The following AACS variants were observed in gnomAD, a reference collection of about 807,000 sequenced individuals.
AACS encodes acetoacetate-CoA ligase.
AACS carries 69 observed loss-of-function variants against 83.1 expected under a neutral mutation model. The ratio of observed to expected loss-of-function variants is 0.83; its 90% confidence interval spans 0.68 to 1.01. AACS has a LOEUF of 1.01. Ranked by LOEUF, AACS falls within the 50% of genes least tolerant of loss-of-function variation. AACS has a pLI of 0.00. For synonymous variants in AACS, 333 were observed against 343.4 expected (o/e 0.97, Z 0.33); for missense variants, 866 against 882.2 (o/e 0.98, Z 0.23).
At chr12:125,131,657 T>C (rs1247898562) in intron 14 of AACS, among the ~76,000 whole-genome samples, 1 of 151,984 alleles carries the variant, frequency 6.6e-6, no homozygotes, top group Admixed American at 6.5e-5. Context: ...TTTGACACGG[T>C]ATCTCGCTCT....
intron 9 of AACS, among the ~76,000 whole-genome samples, chr12:125,116,982 T>C (rs1957065302): frequency 6.6e-6 from 1 of 151,982 alleles, no homozygotes; most frequent in Admixed American, 6.6e-5. Context: ...TCTCACTCTG[T>C]TGCTCAGGCT....
rs369853731 is a variant in AACS, at chr12:125,130,983, G to A, written c.1549+1523G>A. Among the ~76,000 whole-genome samples the A allele has an allele frequency of 3.9e-4, 60 of 152,158 alleles. 1 individual carries two copies. Among genetic ancestry groups the A allele is most frequent in the African/African-American group, 1.3e-3 (53 of 41,440 alleles). ...CTTAGACCCTTCCTCAAGCACCAGC[G>A]CTGAGAGATTCTTGGGCTGTATAGG... On this transcript the variant is annotated intron_variant, in intron 14 of 17. Transcript: ENST00000316519. This position sits in a 1 kb window ranked among gnomAD's most constrained non-coding sequence, Gnocchi z 4.9.
intron 3 of AACS, among the ~76,000 whole-genome samples, chr12:125,077,509 C>CA (rs34406989): frequency 0.012 from 863 of 69,494 alleles, 1 homozygote; most frequent in Middle Eastern, 0.052. Context: ...GACTCTGTCT[C>CA]AAAAAAAAAA....
intron 3 of AACS, among the ~76,000 whole-genome samples, chr12:125,085,249 T>C (rs10846823): frequency 0.21 from 31,297 of 152,234 alleles, 3,693 homozygotes; most frequent in African/African-American, 0.3. Flanking sequence ...ACCACACATA[T>C]GCACATTGCA....
chr12:125,099,576 C>T (rs745720232), intron 5 of AACS, among the ~76,000 whole-genome samples: 1 of 152,186 alleles, frequency 6.6e-6, no homozygotes, highest in African/African-American at 2.4e-5. Context: ...CACCCATGTC[C>T]AAGGTCATTC....
At chr12:125,137,517 G>A (rs547649225) in intron 17 of AACS, among the ~76,000 whole-genome samples, 14 of 152,342 alleles carry the variant, frequency 9.2e-5, no homozygotes, top group Middle Eastern at 3.4e-3. Context: ...GGGAGCCGTT[G>A]CTGTTGCCTT....
Position 125,102,809 on chromosome 12 carries a change from G to A in AACS, c.685+16G>A, listed in dbSNP as rs763625104. 5.6e-6 allele frequency: 9 copies of A among 1,610,996 alleles called. No homozygotes were observed. Among genetic ancestry groups the A allele is most frequent in the Admixed American group, 1.7e-5 (1 of 59,994 alleles). Reference sequence around the variant, plus strand: ...GTGGTTAAAGGTGTGTGGCCCTTCCGGCTCCCAGCCGGCATGGCTGGGTGT... The same window carrying A: ...GTGGTTAAAGGTGTGTGGCCCTTCCAGCTCCCAGCCGGCATGGCTGGGTGT... On this transcript the variant is annotated intron_variant, in intron 6 of 17. Coordinates refer to ENST00000316519, the MANE Select transcript of AACS (RefSeq NM_023928.5).
rs60511961 is a variant in AACS at position 125,108,863 on chromosome 12, CTTTT to C, written c.915+1609_915+1612del. 5.5e-3 allele frequency among the ~76,000 whole-genome samples: 697 copies of C among 126,396 alleles called. 10 individuals carry two copies. Among genetic ancestry groups the C allele is most frequent in the African/African-American group, 0.02 (665 of 33,656 alleles). The allele number at this position is 126,396 out of a possible 152,430, so 82.9% of individuals were successfully genotyped here. ...TTTTGTTTGTTTTGTATTTTTGTGGCTTTTTTTTTTTTTTTTTAAGACCGGGTTT... is the reference window on the plus strand; with the variant it reads ...TTTTGTTTGTTTTGTATTTTTGTGGCTTTTTTTTTTTTTAAGACCGGGTTT... On this transcript the variant is annotated intron_variant, in intron 8 of 17. Coordinates refer to ENST00000316519, the MANE Select transcript of AACS (RefSeq NM_023928.5).
intron 5 of AACS, among the ~76,000 whole-genome samples, chr12:125,098,872 C>G (rs923247984): frequency 2.6e-5 from 4 of 152,208 alleles, no homozygotes; most frequent in African/African-American, 9.7e-5. Flanking sequence ...GTGACTTTCA[C>G]AGATTTTGTG....
At chr12:125,089,589 T>C (rs1460944420) in intron 4 of AACS, among the ~76,000 whole-genome samples, 1 of 152,134 alleles carries the variant, frequency 6.6e-6, no homozygotes, top group Non-Finnish European at 1.5e-5. Context: ...CTGCCCCTTA[T>C]AGGCTTGAAT....
intron 4 of AACS, chr12:125,091,149 T>C: frequency 2.1e-6 from 1 of 475,976 alleles, no homozygotes; most frequent in Non-Finnish European, 3.9e-6. Flanking sequence ...AGAAGGCTGC[T>C]GTGACCAGAT....
chr12:125,081,843 G>A (rs540101455), intron 3 of AACS, among the ~76,000 whole-genome samples: 3 of 151,614 alleles, frequency 2.0e-5, no homozygotes, highest in Non-Finnish European at 4.4e-5. Context: ...AAGGGCAGAC[G>A]CGTACAACTC....
At chr12:125,105,895 T>C (rs950780931) in intron 7 of AACS, 1 of 152,214 alleles carries the variant, frequency 6.6e-6, no homozygotes, top group African/African-American at 2.4e-5. Context: ...GGGATTCTTA[T>C]AGGAGGTAGA....
chr12:125,108,715 T>A (rs1191863713), intron 8 of AACS, among the ~76,000 whole-genome samples: 1 of 152,112 alleles, frequency 6.6e-6, no homozygotes, highest in Non-Finnish European at 1.5e-5. Context: ...TCGCCCAGAC[T>A]GGAGTGCAGT....
At chr12:125,117,353 G>A (rs1416509602) in intron 9 of AACS, among the ~76,000 whole-genome samples, 1 of 152,022 alleles carries the variant, frequency 6.6e-6, no homozygotes, top group Non-Finnish European at 1.5e-5. Context: ...GGCAGAGGTT[G>A]CAGTGAGCCG....
At chr12:125,088,610 G>A (rs1956392964) in intron 4 of AACS, among the ~76,000 whole-genome samples, 1 of 152,128 alleles carries the variant, frequency 6.6e-6, no homozygotes. Flanking sequence ...CACTTTTAAG[G>A]TCTTGCAAAG....
At chr12:125,118,899 C>T in intron 10 of AACS, 134 bp downstream of exon 10, 3 of 1,332,728 alleles carry the variant, frequency 2.3e-6, no homozygotes, top group Non-Finnish European at 3.0e-6. Flanking sequence ...TTGTGGACGC[C>T]CCCTCTCCAA....
intron 9 of AACS, among the ~76,000 whole-genome samples, chr12:125,116,524 C>T (rs571319374): frequency 7.3e-5 from 11 of 151,696 alleles, no homozygotes; most frequent in South Asian, 2.1e-4. Context: ...AGTGCAGTGG[C>T]GCGATTTTGG....
intron 3 of AACS, 30 bp from the exon 4 acceptor site, chr12:125,086,300 G>A (rs1243727763): frequency 1.9e-6 from 3 of 1,600,606 alleles, no homozygotes. Flanking sequence ...GCGGTGGTCT[G>A]TGTACAATTT....
Sources: allele counts gnomAD v4.1 joint callset (sites outside exome capture counted in the v4.1 genomes callset), GRCh38; gene constraint gnomAD v4.1.1; non-coding constraint Gnocchi (gnomAD v3.1); transcripts MANE v1.5; gene names NCBI Gene and HGNC (gene_info 2026-07-23, HGNC 2026-07-21).